CELA2A: variants seen among roughly 807,000 people sequenced by gnomAD.
CELA2A encodes the protein chymotrypsin-like elastase family member 2A.
A neutral mutation model predicts 35.3 loss-of-function variants in CELA2A; 31 were observed. That is an observed-to-expected ratio of 0.88 (90% CI 0.66 to 1.19). The LOEUF is 1.19. Ranked by LOEUF, CELA2A falls within the 50% of genes most tolerant of loss-of-function variation. CELA2A has a pLI of 0.00. For missense variants in CELA2A, 330 were observed against 352.9 expected (o/e 0.94, Z 0.52); for synonymous variants, 150 against 149.8 (o/e 1.00, Z -0.01).
intron 2 of CELA2A, among the ~76,000 whole-genome samples, chr1:15,459,769 G>A (rs1218225613): frequency 1.3e-5 from 2 of 152,092 alleles, no homozygotes; most frequent in African/African-American, 4.8e-5. Flanking sequence ...TGGGGACTCA[G>A]ATGAGGCAAG....
At chr1:15,469,020 A>C (rs988027595) in intron 7 of CELA2A, among the ~76,000 whole-genome samples, 2 of 152,164 alleles carry the variant, frequency 1.3e-5, no homozygotes, top group Admixed American at 6.5e-5. Flanking sequence ...TCTACTAAAA[A>C]TACAAAAATA....
intron 2 of CELA2A, 123 bp from the exon 3 acceptor site, chr1:15,461,438 T>G (rs1170349898): frequency 1.2e-5 from 11 of 949,102 alleles, no homozygotes; most frequent in Non-Finnish European, 1.6e-5. Flanking sequence ...CCTTAAGTTG[T>G]GCACATGAGG....
intron 3 of CELA2A, 62 bp downstream of exon 3, chr1:15,461,720 G>A (rs1708437837): frequency 6.3e-7 from 1 of 1,586,852 alleles, no homozygotes; most frequent in African/African-American, 1.3e-5. Context: ...CTGAGCTGGG[G>A]GCTCAAATGG....
intron 7 of CELA2A, among the ~76,000 whole-genome samples, chr1:15,469,747 A>C (rs1039668435): frequency 6.6e-6 from 1 of 152,188 alleles, no homozygotes; most frequent in Admixed American, 6.5e-5. Context: ...GGAAAAACCC[A>C]TCTGAGTCCA....
In CELA2A at chr1:15,467,505, GC is replaced by G. The variant is rs776543924; in HGVS notation, c.760del (p.Arg254GlyfsTer12). ...NYYHKPSVFT[R>X]VSNYIDWINS... ...ACTACCACAAGCCCTCCGTCTTCAC[GC>G]GGGTCTCCAATTACATCGACTGGAT... On this transcript the variant is annotated frameshift_variant, in exon 7 of 8. Coordinates refer to ENST00000359621, the MANE Select transcript of CELA2A (RefSeq NM_033440.3). LOFTEE classifies it high-confidence loss of function. 6.2e-7 allele frequency: 1 copy of G among 1,614,130 alleles called. No individual in the cohort carries two copies. Among genetic ancestry groups the G allele is most frequent in the Non-Finnish European group, 8.5e-7 (1 of 1,180,048 alleles).
At chr1:15,467,710 C>T (rs1466601295) in intron 7 of CELA2A, among the ~76,000 whole-genome samples, 172 bp downstream of exon 7, 1 of 152,122 alleles carries the variant, frequency 6.6e-6, no homozygotes, top group African/African-American at 2.4e-5. Flanking sequence ...ATGGGTCCCC[C>T]AAATTTCTGT....
intron 6 of CELA2A, among the ~76,000 whole-genome samples, chr1:15,467,129 C>T (rs564094175): frequency 8.5e-5 from 13 of 152,256 alleles, no homozygotes; most frequent in East Asian, 3.9e-4. Flanking sequence ...GGGGATGCTA[C>T]GAATATTTAC....
intron 7 of CELA2A, among the ~76,000 whole-genome samples, chr1:15,471,679 T>C (rs1485044494): frequency 1.3e-5 from 2 of 152,020 alleles, no homozygotes; most frequent in Admixed American, 1.3e-4. Flanking sequence ...AAGAAACAAA[T>C]GAAATCTAAA....
chr1:15,465,451 C>T (rs1184039335), intron 5 of CELA2A, among the ~76,000 whole-genome samples: 4 of 152,144 alleles, frequency 2.6e-5, no homozygotes, highest in Admixed American at 2.6e-4. Flanking sequence ...CTTCACCACA[C>T]CAGCATATTT....
At chr1:15,470,156 C>A (rs1570802285) in intron 7 of CELA2A, among the ~76,000 whole-genome samples, 1 of 152,286 alleles carries the variant, frequency 6.6e-6, no homozygotes, top group East Asian at 1.9e-4. Flanking sequence ...AGCCAAGCAA[C>A]CAGCTGTCCT....
rs575099298 is a variant in CELA2A at position 15,461,848 on chromosome 1, T to C, written c.227+190T>C. The stretch of plus-strand genomic sequence containing the variant: ...CATCAATGTCAGTACATGGCATGGA[T>C]GGAGTGTCTGTGCCAGGCAGGCACT... On this transcript the variant is annotated intron_variant, in intron 3 of 7. Transcript: ENST00000359621. 1.5e-5 allele frequency: 11 copies of C among 746,170 alleles called. No homozygotes were observed. The African/African-American group carries it at 1.9e-4, about 13-fold the overall frequency. The allele number at this position is 746,170 out of a possible 1,614,324, so 46.2% of individuals were successfully genotyped here. A position where few individuals can be genotyped will look rare whatever the true frequency, so the allele number is the denominator to read the frequency against.
chr1:15,465,299 G>A (rs944454491), intron 5 of CELA2A, among the ~76,000 whole-genome samples: 3 of 151,946 alleles, frequency 2.0e-5, no homozygotes, highest in East Asian at 3.9e-4. Flanking sequence ...GGTGAGCACC[G>A]CGCCCGACCG....
chr1:15,462,962 C>T (rs2103302612), intron 4 of CELA2A, 101 bp downstream of exon 4: 1 of 1,503,530 alleles, frequency 6.7e-7, no homozygotes, highest in Non-Finnish European at 9.2e-7. Context: ...CCCTCTGCTT[C>T]TTCTACAGGG....
intron 5 of CELA2A, among the ~76,000 whole-genome samples, chr1:15,463,772 G>A (rs1218457497): frequency 6.6e-6 from 1 of 152,110 alleles, no homozygotes; most frequent in Non-Finnish European, 1.5e-5. Flanking sequence ...ATATTTGGCT[G>A]GGCGCAGTGG....
chr1:15,462,649 A>G (rs1400553005), intron 3 of CELA2A, 84 bp from the exon 4 acceptor site: 3 of 1,540,472 alleles, frequency 1.9e-6, no homozygotes, highest in African/African-American at 2.7e-5. Context: ...CTCACGCAGC[A>G]GCCAGTTACT....
rs368385918 is a variant in CELA2A, at chr1:15,460,430, C to T, written c.130-1131C>T. On this transcript the variant is annotated intron_variant, in intron 2 of 7. Transcript: ENST00000359621. ...CCAAATGGCTAATTAAAAACAACAA[C>T]GTTCAGAGAAAAGCAGGCATCTGCC... is the stretch of plus-strand genomic sequence containing the variant. 2.8e-4 allele frequency among the ~76,000 whole-genome samples: 42 copies of T among 152,200 alleles called. 1 individual carries two copies. In the East Asian group the frequency reaches 7.7e-3, roughly 28 times the overall value.
In CELA2A at chr1:15,467,458, G is replaced by A. The variant is rs1261145180; in HGVS notation, c.712G>A (p.Gly238Arg). The change falls in exon 7 of 8, where the codon GGG becomes AGG. Residue 238 changes from glycine to arginine, a missense_variant. Physicochemically the swap from Gly to Arg is moderately radical, Grantham distance 125. Transcript: ENST00000359621. ...GCAGGTGCACGGCATCGTCAGCTTC[G>A]GGTCTCGCCTCGGCTGCAACTACTA... is the stretch of plus-strand genomic sequence containing the variant. ...RWQVHGIVSF[G>R]SRLGCNYYHK... The A allele has an allele frequency of 6.2e-6, 10 of 1,614,000 alleles. No individual in the cohort carries two copies. Among genetic ancestry groups the A allele is most frequent in the African/African-American group, 2.7e-5 (2 of 74,920 alleles).
intron 7 of CELA2A, among the ~76,000 whole-genome samples, chr1:15,470,125 A>G (rs6429744): frequency 0.84 from 128,218 of 152,098 alleles, 54,193 homozygotes; most frequent in African/African-American, 0.9. Flanking sequence ...GATGCCCGGT[A>G]ACGGGTTTCA....
rs780807302 is a variant in CELA2A, at chr1:15,467,425, G to A, written c.679G>A (p.Gly227Ser). 8.7e-6 allele frequency: 14 copies of A among 1,613,772 alleles called. No homozygotes were observed. Among genetic ancestry groups the A allele is most frequent in the Admixed American group, 8.3e-5 (5 of 60,006 alleles). The change falls in exon 7 of 8, where the codon GGC (glycine) becomes AGC (serine). Residue 227 changes from glycine (G) to serine (S), a missense_variant. Gly to Ser is a moderately conservative substitution (Grantham distance 56). Coordinates refer to ENST00000359621, the MANE Select transcript of CELA2A (RefSeq NM_033440.3). ...GGPLNCQASD[G>S]RWQVHGIVSF... is the part of the protein sequence containing the mutation. ...GCCACTGAACTGTCAGGCGTCTGAC[G>A]GCCGGTGGCAGGTGCACGGCATCGT...
Sources: allele counts gnomAD v4.1 joint callset (sites outside exome capture counted in the v4.1 genomes callset), GRCh38; gene constraint gnomAD v4.1.1; transcripts MANE v1.5; gene names NCBI Gene and HGNC (gene_info 2026-07-23, HGNC 2026-07-21).